POLA1: variants seen among roughly 807,000 people sequenced by gnomAD.
POLA1 encodes the protein DNA polymerase alpha catalytic subunit.
POLA1 carries 15 observed loss-of-function variants against 124.0 expected under a neutral mutation model. That is an observed-to-expected ratio of 0.12 (90% confidence interval 0.08 to 0.19). POLA1 has a LOEUF of 0.19. Among genes scored for constraint, POLA1 ranks in the 10% least tolerant of loss-of-function variants. The pLI, the probability that POLA1 is intolerant of heterozygous loss-of-function variation, is 1.00. For synonymous variants in POLA1, 408 were observed against 389.4 expected, an observed-to-expected ratio of 1.05 and a Z score of -0.56; for missense variants, 886 against 1,103.4, an observed-to-expected ratio of 0.80 and a Z score of 2.79.
At chrX:24,959,611 T>A (rs1401424479) in intron 36 of POLA1, among the ~76,000 whole-genome samples, 3 of 111,560 alleles carry the variant, frequency 2.7e-5, no homozygotes, top group African/African-American at 9.8e-5. Flanking sequence ...TTTTTCTACT[T>A]CTAGACCTGC....
chrX:24,717,318 A>C lies in POLA1; in HGVS notation c.735A>C (p.Glu245Asp). 1 of 1,210,388 alleles carries C rather than the reference A, an allele frequency of 8.3e-7. No individual in the cohort carries two copies. Among genetic ancestry groups the C allele is most frequent in the Non-Finnish European group, 1.1e-6 (1 of 894,286 alleles). The change falls in exon 9 of 37, where the codon GAA becomes GAC. Residue 245 changes from glutamate to aspartate, a missense_variant. Physicochemically the swap from Glu to Asp is conservative, Grantham distance 45. Transcript: ENST00000379068. ...AGDDVQVEST[E>D]EEQESGAMEF... ...ATGATGTACAGGTCGAGAGTACAGA[A>C]GAAGAGCAGGAGTCAGGGGCAATGG...
At chrX:24,908,550 A>G (rs748442237) in intron 35 of POLA1, among the ~76,000 whole-genome samples, 1 of 109,720 alleles carries the variant, frequency 9.1e-6, no homozygotes, top group East Asian at 2.9e-4. Context: ...GCATGTCCCT[A>G]CAAAGGACAT....
chrX:24,809,159 G>A (rs956192033), intron 26 of POLA1, among the ~76,000 whole-genome samples: 1 of 109,333 alleles, frequency 9.1e-6, no homozygotes, highest in Non-Finnish European at 1.9e-5. Flanking sequence ...TATTTTAAAC[G>A]CCCCCCCCGA....
At chrX:24,735,008 G>A (rs1931185425) in intron 17 of POLA1, among the ~76,000 whole-genome samples, 1 of 111,775 alleles carries the variant, frequency 8.9e-6, no homozygotes, top group African/African-American at 3.3e-5. Context: ...CAATCCTTGG[G>A]ATTTCTTTGC....
rs1197299854 is a variant in POLA1, at chrX:24,995,829, C to T, written c.4286C>T (p.Thr1429Ile). 1.7e-6 allele frequency: 2 copies of T among 1,205,439 alleles called. No individual in the cohort carries two copies. Among genetic ancestry groups the T allele is most frequent in the South Asian group, 1.8e-5 (1 of 56,358 alleles). ...GATAAATTGAAGAAGCAATTTTTTA[C>T]CCCCAAAGTTCTGCAGGACTACAGA... ...EKDKLKKQFF[T>I]PKVLQDYRKL... The change falls in exon 37 of 37, where the codon ACC becomes ATC. Residue 1429 changes from threonine to isoleucine, a missense_variant. Transcript: ENST00000379068.
At chrX:24,740,713 G>A (rs1266529306) in intron 20 of POLA1, among the ~76,000 whole-genome samples, 5 of 110,926 alleles carry the variant, frequency 4.5e-5, no homozygotes, top group Non-Finnish European at 9.4e-5. Flanking sequence ...AGATTTGCAC[G>A]CAGCTCAGGA....
chrX:24,991,347 G>A (rs1396897854), intron 36 of POLA1, among the ~76,000 whole-genome samples: 1 of 112,365 alleles, frequency 8.9e-6, no homozygotes, highest in African/African-American at 3.2e-5. Flanking sequence ...ACTTCATCCA[G>A]TTGAAAGGAA....
chrX:24,960,573 G>C (rs190047898), intron 36 of POLA1, among the ~76,000 whole-genome samples: 180 of 111,858 alleles, frequency 1.6e-3, no homozygotes, highest in African/African-American at 5.4e-3. Context: ...GGAGTGGGGG[G>C]ATTACAAACA....
At chrX:24,710,117 C>T (rs1261396289) in intron 4 of POLA1, among the ~76,000 whole-genome samples, 1 of 101,223 alleles carries the variant, frequency 9.9e-6, no homozygotes, top group Non-Finnish European at 2.0e-5. Context: ...TCGCCGGCGC[C>T]TTTTTTTTTT....
intron 35 of POLA1, among the ~76,000 whole-genome samples, chrX:24,912,124 G>A (rs755173522): frequency 1.8e-5 from 2 of 112,456 alleles, no homozygotes; most frequent in South Asian, 3.7e-4. Flanking sequence ...TGGAGAAGGG[G>A]TAGTCCTTTC....
intron 26 of POLA1, among the ~76,000 whole-genome samples, chrX:24,751,842 G>A (rs1168440201): frequency 9.0e-6 from 1 of 111,667 alleles, no homozygotes; most frequent in Non-Finnish European, 1.9e-5. Flanking sequence ...GAATACCTTT[G>A]TAACTTATTA....
chrX:24,915,864 G>C (rs1385050601), intron 35 of POLA1, among the ~76,000 whole-genome samples: 1 of 112,039 alleles, frequency 8.9e-6, no homozygotes, highest in African/African-American at 3.2e-5. Context: ...TGAGGACATG[G>C]ATTATCTGTC....
intron 35 of POLA1, among the ~76,000 whole-genome samples, chrX:24,923,057 G>A (rs1164829062): frequency 1.8e-5 from 2 of 111,512 alleles, no homozygotes; most frequent in Non-Finnish European, 3.8e-5. Flanking sequence ...CTCAGTCCCA[G>A]TGAGGACCCC....
intron 26 of POLA1, among the ~76,000 whole-genome samples, chrX:24,767,303 T>C (rs1392544139): frequency 8.9e-6 from 1 of 111,946 alleles, no homozygotes; most frequent in African/African-American, 3.2e-5. Context: ...TTTTTCATTT[T>C]GGAGTATACT....
intron 20 of POLA1, among the ~76,000 whole-genome samples, chrX:24,740,560 A>G (rs1327833338): frequency 8.9e-6 from 1 of 112,166 alleles, no homozygotes; most frequent in Non-Finnish European, 1.9e-5. Flanking sequence ...CATTCAGAGT[A>G]AAAACTAAAG....
intron 13 of POLA1, among the ~76,000 whole-genome samples, 194 bp from the exon 14 acceptor site, chrX:24,726,739 T>C (rs768540127): frequency 9.0e-6 from 1 of 111,712 alleles, no homozygotes; most frequent in East Asian, 2.8e-4. Flanking sequence ...CATTATTTTG[T>C]CATTGTGAAT....
chrX:24,896,438 T>G (rs1427356829), intron 35 of POLA1, among the ~76,000 whole-genome samples: 3 of 111,657 alleles, frequency 2.7e-5, no homozygotes, highest in African/African-American at 9.9e-5. Context: ...TGAGGTTTCT[T>G]TTTTGTTTTG....
intron 26 of POLA1, among the ~76,000 whole-genome samples, chrX:24,787,422 T>A (rs750091013): frequency 1.8e-5 from 2 of 112,021 alleles, no homozygotes; most frequent in South Asian, 7.5e-4. Context: ...AATTTTATTC[T>A]TTCGTATGTG....
intron 31 of POLA1, 23 bp downstream of exon 31, chrX:24,821,606 ACT>A (rs758778512): frequency 5.3e-6 from 6 of 1,141,476 alleles, no homozygotes; most frequent in Non-Finnish European, 7.2e-6. Context: ...CATTCGTAAG[ACT>A]CTGACACCTC....
Sources: allele counts gnomAD v4.1 joint callset (sites outside exome capture counted in the v4.1 genomes callset), GRCh38; gene constraint gnomAD v4.1.1; transcripts MANE v1.5; gene names NCBI Gene and HGNC (gene_info 2026-07-23, HGNC 2026-07-21).